PELI2: variants seen among roughly 807,000 people sequenced by gnomAD.
PELI2 encodes E3 ubiquitin-protein ligase pellino homolog 2.
PELI2 carries 23 observed loss-of-function variants against 42.3 expected under a neutral mutation model. The observed-to-expected ratio is 0.54, with a 90% CI of 0.39 to 0.77. The LOEUF (loss-of-function observed/expected upper bound fraction) is 0.77, where lower values mean the gene tolerates loss of function less well. Ranked by LOEUF, PELI2 falls within the 30% of genes least tolerant of loss-of-function variation. The probability of loss-of-function intolerance (pLI) is 0.00; values close to 1 mark genes in which losing one functional copy is unlikely to be tolerated. For synonymous variants in PELI2, 245 were observed against 212.2 expected (o/e 1.15, Z -1.34); for missense variants, 463 against 553.2 (o/e 0.84, Z 1.64).
intron 5 of PELI2, among the ~76,000 whole-genome samples, chr14:56,292,214 A>C (rs976666222): frequency 4.6e-5 from 7 of 152,232 alleles, no homozygotes; most frequent in African/African-American, 1.7e-4. Flanking sequence ...TATAAGCGAC[A>C]CTGAGAACTA....
intron 2 of PELI2, among the ~76,000 whole-genome samples, chr14:56,205,411 G>C (rs1454616450): frequency 6.6e-6 from 1 of 152,136 alleles, no homozygotes; most frequent in Non-Finnish European, 1.5e-5. Context: ...AGCCTGTAGG[G>C]GAGGGGGAAG....
chr14:56,148,232 G>T (rs935103926), intron 1 of PELI2, among the ~76,000 whole-genome samples: 1 of 152,148 alleles, frequency 6.6e-6, no homozygotes, highest in Non-Finnish European at 1.5e-5. Flanking sequence ...TCCCAGGCTT[G>T]CCTGTAGCCT....
chr14:56,178,758 C>A (rs1885476676), intron 2 of PELI2, among the ~76,000 whole-genome samples: 1 of 152,142 alleles, frequency 6.6e-6, no homozygotes, highest in Non-Finnish European at 1.5e-5. Flanking sequence ...GAGGGCTGGG[C>A]AGGTAAAATC....
At chr14:56,206,802 T>A (rs1345385513) in intron 2 of PELI2, among the ~76,000 whole-genome samples, 1 of 152,152 alleles carries the variant, frequency 6.6e-6, no homozygotes, top group African/African-American at 2.4e-5. Context: ...CTGTTAACCT[T>A]TGATATGGAA....
intron 2 of PELI2, among the ~76,000 whole-genome samples, chr14:56,269,573 T>C (rs1054343775): frequency 4.6e-5 from 7 of 152,302 alleles, no homozygotes; most frequent in South Asian, 4.1e-4. Flanking sequence ...TGGGTAGATA[T>C]AGTAGTTGAA....
intron 2 of PELI2, among the ~76,000 whole-genome samples, chr14:56,266,625 A>T (rs370922876): frequency 6.6e-6 from 1 of 152,048 alleles, no homozygotes; most frequent in African/African-American, 2.4e-5. Context: ...ATACTCTCAT[A>T]TACTTCTGGT....
intron 2 of PELI2, among the ~76,000 whole-genome samples, chr14:56,209,451 A>G (rs1886637076): frequency 6.6e-6 from 1 of 152,262 alleles, no homozygotes; most frequent in Non-Finnish European, 1.5e-5. Context: ...GAATTGAGTC[A>G]GACATTAGAG....
Position 56,299,768 on chromosome 14 carries a change from A to G in PELI2, c.*2602A>G, listed in dbSNP as rs746589983. Reference sequence around the variant, plus strand: ...ACTAGCCCCACTCCCCCATGTGTATACACAAGGAAATTGCAGACCAATTAG... The same window carrying G: ...ACTAGCCCCACTCCCCCATGTGTATGCACAAGGAAATTGCAGACCAATTAG... On this transcript the variant is annotated 3_prime_UTR_variant, in exon 6 of 6. Coordinates refer to ENST00000267460, the MANE Select transcript of PELI2 (RefSeq NM_021255.3). 1 of 152,230 alleles carries G rather than the reference A, an allele frequency of 6.6e-6. No individual in the cohort carries two copies. Among genetic ancestry groups the G allele is most frequent in the Non-Finnish European group, 1.5e-5 (1 of 68,040 alleles). 9.4% of individuals were successfully genotyped at this position (152,230 alleles called of 1,614,324 possible).
At position 56,159,894 on chromosome 14, in the gene PELI2, A is replaced by G. The variant is rs148541299; in HGVS notation, c.78-18441A>G. ...AAGTCAGATTCAGAACAATAAAAAC[A>G]TCTTGTATGATTCAATAACAGTACC... On this transcript the variant is annotated intron_variant, in intron 1 of 5. Transcript: ENST00000267460. Among the ~76,000 whole-genome samples the G allele has an allele frequency of 3.0e-4, 46 of 152,298 alleles. No homozygotes were observed. The East Asian group carries it at 8.3e-3, about 27-fold the overall frequency.
At chr14:56,254,885 A>T (rs1343925982) in intron 2 of PELI2, among the ~76,000 whole-genome samples, 1 of 152,246 alleles carries the variant, frequency 6.6e-6, no homozygotes, top group Admixed American at 6.5e-5. Flanking sequence ...ATACGAAAAA[A>T]TTTCCATTAT....
chr14:56,161,296 C>G (rs1180235326), intron 1 of PELI2, among the ~76,000 whole-genome samples: 1 of 149,560 alleles, frequency 6.7e-6, no homozygotes, highest in Non-Finnish European at 1.5e-5. Context: ...ATCTGTTCAT[C>G]TGTTTTTTTT....
intron 3 of PELI2, among the ~76,000 whole-genome samples, chr14:56,286,203 G>A (rs538119357): frequency 6.6e-6 from 1 of 152,318 alleles, no homozygotes; most frequent in Non-Finnish European, 1.5e-5. Flanking sequence ...AAAGAGAGGA[G>A]ATAATATTAG....
chr14:56,236,373 C>T (rs768998120), intron 2 of PELI2, among the ~76,000 whole-genome samples: 2 of 152,168 alleles, frequency 1.3e-5, no homozygotes, highest in Admixed American at 6.5e-5. Flanking sequence ...ACTTTTACAG[C>T]ACCTCTAAAG....
intron 2 of PELI2, among the ~76,000 whole-genome samples, chr14:56,275,167 C>T (rs1208263304): frequency 6.6e-6 from 1 of 152,050 alleles, no homozygotes; most frequent in African/African-American, 2.4e-5. Context: ...AACGTGTGTT[C>T]GAGGCACATG....
At chr14:56,129,942 G>A (rs780630605) in intron 1 of PELI2, among the ~76,000 whole-genome samples, 12 of 152,316 alleles carry the variant, frequency 7.9e-5, no homozygotes, top group East Asian at 5.8e-4. Context: ...TGGCCTGGTC[G>A]TGTTCCCATC....
At chr14:56,261,991 G>A (rs1038055300) in intron 2 of PELI2, among the ~76,000 whole-genome samples, 2 of 152,204 alleles carry the variant, frequency 1.3e-5, no homozygotes, top group East Asian at 1.9e-4. Flanking sequence ...TTTGACTCTC[G>A]AAAAGTTGCT....
intron 2 of PELI2, among the ~76,000 whole-genome samples, chr14:56,258,299 C>T (rs1442053945): frequency 6.6e-6 from 1 of 151,434 alleles, no homozygotes; most frequent in African/African-American, 2.4e-5. Flanking sequence ...GCCCCCCCAC[C>T]CCCGCAAAAA....
intron 2 of PELI2, among the ~76,000 whole-genome samples, chr14:56,182,243 T>G (rs528099250): frequency 6.6e-6 from 1 of 152,142 alleles, no homozygotes; most frequent in East Asian, 1.9e-4. Context: ...CCAGGGGTCT[T>G]GTGGGTCTGG....
chr14:56,239,084 G>A (rs1218146258), intron 2 of PELI2, among the ~76,000 whole-genome samples: 1 of 151,938 alleles, frequency 6.6e-6, no homozygotes, highest in South Asian at 2.1e-4. Context: ...GCCTTTTTAT[G>A]CTAATTATGT....
Sources: gnomAD v4.1 joint callset for allele counts (sites outside exome capture counted in the v4.1 genomes callset) on GRCh38, gnomAD v4.1.1 for gene constraint, MANE v1.5 for transcripts, NCBI Gene and HGNC (gene_info 2026-07-23, HGNC 2026-07-21) for gene names.